ORC2: variants seen among roughly 807,000 people sequenced by gnomAD.
ORC2 encodes the protein origin recognition complex subunit 2.
Under a neutral mutation model 77.7 loss-of-function variants are expected in ORC2, and 37 were observed. That is an observed-to-expected ratio of 0.48 (90% CI 0.37 to 0.63). The LOEUF (loss-of-function observed/expected upper bound fraction) is 0.63, where lower values mean the gene tolerates loss of function less well. ORC2 is among the 20% of genes least tolerant of loss of function. The pLI, the probability that ORC2 is intolerant of heterozygous loss-of-function variation, is 0.00. For synonymous variants in ORC2, 201 were observed against 229.5 expected, an observed-to-expected ratio of 0.88 and a Z score of 1.12; for missense variants, 557 against 661.9, an observed-to-expected ratio of 0.84 and a Z score of 1.74.
chr2:200,925,737 A>T (rs1052431476), intron 13 of ORC2, 99 bp downstream of exon 13: 1 of 382,062 alleles, frequency 2.6e-6, no homozygotes, highest in Non-Finnish European at 4.8e-6. Flanking sequence ...ACTGTCTCAA[A>T]AATAATAATA....
chr2:200,928,277 A>G (rs2040878162), intron 11 of ORC2, among the ~76,000 whole-genome samples: 1 of 146,370 alleles, frequency 6.8e-6, no homozygotes, highest in African/African-American at 2.7e-5. Context: ...AATTGCTTGA[A>G]CCTGGGAGGT....
chr2:200,933,569 A>G (rs922277669), intron 10 of ORC2, among the ~76,000 whole-genome samples: 1 of 152,112 alleles, frequency 6.6e-6, no homozygotes, highest in Admixed American at 6.6e-5. Context: ...TAAATTATTT[A>G]TTTATTTATT....
intron 15 of ORC2, among the ~76,000 whole-genome samples, chr2:200,918,314 A>G (rs1250168350): frequency 6.6e-6 from 1 of 152,242 alleles, no homozygotes; most frequent in East Asian, 1.9e-4. Context: ...GAGCCAGGGT[A>G]TTTATTTTTA....
chr2:200,914,792 G>T (rs2124928253), intron 15 of ORC2, among the ~76,000 whole-genome samples: 1 of 152,124 alleles, frequency 6.6e-6, no homozygotes, highest in Admixed American at 6.6e-5. Flanking sequence ...TTAGGTTAGT[G>T]TTGGTAGAAA....
At position 200,949,709 on chromosome 2, in the gene ORC2, CAAAA is replaced by C. The variant is rs746423319; in HGVS notation, c.239-70_239-67del. ...CAAAATTAACAGAAAAAAATTTTAA[CAAAA>C]AAACTTAAGATTTGTACCCCTCATA... On this transcript the variant is annotated intron_variant, in intron 4 of 17. Transcript: ENST00000234296. 8.0e-4 allele frequency: 714 copies of C among 891,776 alleles called. 1 individual carries two copies. The highest frequency in any genetic ancestry group is 1.1e-3 in the Non-Finnish European group (591 of 559,078). The allele number at this position is 891,776 out of a possible 1,614,324, so 55.2% of individuals were successfully genotyped here.
chr2:200,928,800 C>T (rs1164601736), intron 11 of ORC2, among the ~76,000 whole-genome samples: 1 of 147,898 alleles, frequency 6.8e-6, no homozygotes, highest in Non-Finnish European at 1.5e-5. Context: ...GGCAACAGAG[C>T]AAGACTCTGT....
intron 13 of ORC2, among the ~76,000 whole-genome samples, chr2:200,924,170 A>G (rs1167562123): frequency 6.6e-6 from 1 of 152,142 alleles, no homozygotes; most frequent in Non-Finnish European, 1.5e-5. Context: ...CAACACAGTG[A>G]GACTCCATCT....
intron 10 of ORC2, among the ~76,000 whole-genome samples, chr2:200,932,334 C>CTTTT (rs869076427): frequency 3.5e-4 from 42 of 120,154 alleles, no homozygotes; most frequent in South Asian, 1.1e-3. Context: ...TCATTTCAAA[C>CTTTT]TTTTTTTTTT....
intron 11 of ORC2, among the ~76,000 whole-genome samples, chr2:200,929,386 T>G (rs546863236): frequency 6.6e-6 from 1 of 152,340 alleles, no homozygotes; most frequent in South Asian, 2.1e-4. Flanking sequence ...TGTGGAAGAT[T>G]AACTTAGCTG....
chr2:200,942,785 CAAAG>C lies in ORC2; in HGVS notation c.329-12_329-9del. On this transcript the variant is annotated splice_polypyrimidine_tract_variant and intron_variant, in intron 5 of 17. Coordinates refer to ENST00000234296, the MANE Select transcript of ORC2 (RefSeq NM_006190.5). ...TTTTTGCTAGTTCTGAAGCTGTAAA[CAAAG>C]AAATATATAAAAACCTTTTAAAGGA... 6 of 1,566,042 alleles carry C rather than the reference CAAAG, an allele frequency of 3.8e-6. No individual in the cohort carries two copies. Among genetic ancestry groups the C allele is most frequent in the Non-Finnish European group, 5.2e-6 (6 of 1,143,154 alleles).
Position 200,913,305 on chromosome 2 carries a change from C to T in ORC2, c.1637G>A (p.Arg546Lys), listed in dbSNP as rs754254328. The change falls in exon 17 of 18, where the codon AGA becomes AAA. Residue 546 changes from arginine to lysine, a missense_variant. Coordinates refer to ENST00000234296, the MANE Select transcript of ORC2 (RefSeq NM_006190.5). ...ATAGTGGAGTCTTACCTTCTTTGTT[C>T]TTATAAGCTTGTGGTCCCTAAATTC... ...LTEFRDHKLI[R>K]TKKGTDGVEY... The T allele has an allele frequency of 4.4e-6, 7 of 1,594,440 alleles. No individual in the cohort carries two copies.
intron 11 of ORC2, among the ~76,000 whole-genome samples, chr2:200,930,842 CAG>C (rs1162649747): frequency 1.3e-5 from 2 of 151,900 alleles, no homozygotes; most frequent in Non-Finnish European, 2.9e-5. Flanking sequence ...AAAATAATAA[CAG>C]TGAAAAAATA....
Position 200,911,124 on chromosome 2 carries a change from C to A in ORC2, c.*177G>T. The A allele has an allele frequency of 1.7e-6, 1 of 572,720 alleles. No individual in the cohort carries two copies. The highest frequency in any genetic ancestry group is 3.1e-6 in the Non-Finnish European group (1 of 319,336). The allele number at this position is 572,720 out of a possible 1,614,324, so 35.5% of individuals were successfully genotyped here. A position where few individuals can be genotyped will look rare whatever the true frequency, so the allele number is the denominator to read the frequency against. On this transcript the variant is annotated 3_prime_UTR_variant, in exon 18 of 18. Coordinates refer to ENST00000234296, the MANE Select transcript of ORC2 (RefSeq NM_006190.5). The stretch of plus-strand genomic sequence containing the variant: ...TTGAGGACCGCTGCATAGTACTAGA[C>A]GGTACCAGCCAGGCTGATCAAAAAG...
intron 17 of ORC2, among the ~76,000 whole-genome samples, chr2:200,912,534 GCCTC>G (rs2040568824): frequency 6.6e-6 from 1 of 152,086 alleles, no homozygotes; most frequent in Non-Finnish European, 1.5e-5. Context: ...TCCCACCTCA[GCCTC>G]CTGGGCAGCT....
chr2:200,950,235 G>C (rs1244269459), intron 4 of ORC2, among the ~76,000 whole-genome samples: 1 of 152,130 alleles, frequency 6.6e-6, no homozygotes, highest in African/African-American at 2.4e-5. Flanking sequence ...GGAGGCTGAG[G>C]CAGAAGAATT....
At chr2:200,943,780 T>G (rs990311112) in intron 5 of ORC2, among the ~76,000 whole-genome samples, 3 of 151,926 alleles carry the variant, frequency 2.0e-5, no homozygotes, top group Non-Finnish European at 4.4e-5. Context: ...ATCCCTTCGG[T>G]CTTCTATATG....
chr2:200,916,357 C>T (rs1055208088), intron 15 of ORC2, among the ~76,000 whole-genome samples: 1 of 152,020 alleles, frequency 6.6e-6, no homozygotes, highest in Non-Finnish European at 1.5e-5. Context: ...GTGGTGCATG[C>T]CTCTAGTCCC....
intron 15 of ORC2, among the ~76,000 whole-genome samples, chr2:200,916,993 CT>C (rs1165127308): frequency 7.6e-4 from 80 of 105,572 alleles, no homozygotes; most frequent in Middle Eastern, 7.7e-3. Flanking sequence ...TGTGCCCCAC[CT>C]TTTTTTTTTT....
Position 200,950,384 on chromosome 2 carries a change from C to G in ORC2, c.239-741G>C, listed in dbSNP as rs1292904652. 2.6e-5 allele frequency among the ~76,000 whole-genome samples: 4 copies of G among 152,158 alleles called. No homozygotes were observed. The East Asian group carries it at 7.7e-4, about 29-fold the overall frequency. On this transcript the variant is annotated intron_variant, in intron 4 of 17. Transcript: ENST00000234296. ...CTTAACTGACATTCTTCAATCTCCTCTTTAAATATCAACTGCTACCTACAA... is the reference window on the plus strand; with the variant it reads ...CTTAACTGACATTCTTCAATCTCCTGTTTAAATATCAACTGCTACCTACAA...
Sources: gnomAD v4.1 joint callset for allele counts (sites outside exome capture counted in the v4.1 genomes callset) on GRCh38, gnomAD v4.1.1 for gene constraint, MANE v1.5 for transcripts, NCBI Gene and HGNC (gene_info 2026-07-23, HGNC 2026-07-21) for gene names.